The following CDH12 variants were observed in gnomAD, a reference collection of about 807,000 sequenced individuals.
CDH12 encodes the protein cadherin-12.
Under a neutral mutation model 74.1 loss-of-function variants are expected in CDH12, and 41 were observed. That is an observed-to-expected ratio of 0.55 (90% CI 0.43 to 0.72). The LOEUF is 0.72. Ranked by LOEUF, CDH12 falls within the 30% of genes least tolerant of loss-of-function variation. CDH12 has a pLI of 0.00. For synonymous variants in CDH12, 399 were observed against 355.0 expected (o/e 1.12, Z -1.39); for missense variants, 945 against 977.2 (o/e 0.97, Z 0.44).
intron 1 of CDH12, among the ~76,000 whole-genome samples, chr5:22,539,607 G>A (rs939075461): frequency 6.6e-6 from 1 of 152,156 alleles, no homozygotes; most frequent in African/African-American, 2.4e-5. Flanking sequence ...GTCAGAGTGT[G>A]ATGTAAATAT....
chr5:22,532,350 GATATATATATATAT>G lies in CDH12; in HGVS notation c.-522-27000_-522-26987del, dbSNP rs71609770. Reference sequence around the variant, plus strand: ...TCTAACAGATAAATTATATAAATAGGATATATATATATATATATATATATATATGTATGTATCCT... The same window carrying G: ...TCTAACAGATAAATTATATAAATAGGATATATATATATATGTATGTATCCT... On this transcript the variant is annotated intron_variant, in intron 1 of 14. Transcript: ENST00000382254. Among the ~76,000 whole-genome samples the G allele has an allele frequency of 9.1e-4, 25 of 27,560 alleles. 4 individuals are homozygous for G. The highest frequency in any genetic ancestry group is 2.5e-3 in the East Asian group (2 of 786). 18.1% of individuals were successfully genotyped at this position (27,560 alleles called of 152,430 possible). A position where few individuals can be genotyped will look rare whatever the true frequency, so the allele number is the denominator to read the frequency against.
At chr5:22,750,719 A>C (rs1339513102) in intron 1 of CDH12, among the ~76,000 whole-genome samples, 1 of 152,138 alleles carries the variant, frequency 6.6e-6, no homozygotes, top group Non-Finnish European at 1.5e-5. Context: ...TTCAGTTTGG[A>C]AGTACATTGA....
rs180742372 is a variant in CDH12 at position 22,814,860 on chromosome 5, T to A, written c.-523+38198A>T. ...ATATTTAAGTAAAATAAAGAGTATG[T>A]ATAAATGAGTGGCATTTGTTAAAAA... On this transcript the variant is annotated intron_variant, in intron 1 of 14. Transcript: ENST00000382254. 1.9e-4 allele frequency among the ~76,000 whole-genome samples: 29 copies of A among 152,336 alleles called. No individual in the cohort carries two copies. In the East Asian group the frequency reaches 5.4e-3, roughly 28 times the overall value.
rs1310087078 is a variant in CDH12 at position 22,315,101 on chromosome 5, G to C, written c.-333+90156C>G. On this transcript the variant is annotated intron_variant, in intron 3 of 14. Transcript: ENST00000382254. ...TCAGTAGCCAGGACTACAGGCGCCT[G>C]CCACCGTGCCTGCCTGGCTTTTTTT... Among the ~76,000 whole-genome samples, 4 of 116,842 alleles carry C rather than the reference G, an allele frequency of 3.4e-5. 1 individual carries two copies. Among genetic ancestry groups the C allele is most frequent in the African/African-American group, 1.3e-4 (4 of 30,308 alleles). The allele number at this position is 116,842 out of a possible 152,430, so 76.7% of individuals were successfully genotyped here.
intron 1 of CDH12, among the ~76,000 whole-genome samples, chr5:22,656,099 G>A (rs1226986122): frequency 6.6e-6 from 1 of 152,022 alleles, no homozygotes; most frequent in Non-Finnish European, 1.5e-5. Context: ...TGAGGGATTT[G>A]TATATATATG....
intron 8 of CDH12, among the ~76,000 whole-genome samples, chr5:21,828,123 GA>G: frequency 6.6e-6 from 1 of 151,124 alleles, no homozygotes; most frequent in Non-Finnish European, 1.5e-5. Flanking sequence ...GAAAAACAAT[GA>G]ATTTTTTTTT....
chr5:22,664,794 A>G (rs1740528309), intron 1 of CDH12, among the ~76,000 whole-genome samples: 1 of 152,180 alleles, frequency 6.6e-6, no homozygotes, highest in Non-Finnish European at 1.5e-5. Flanking sequence ...TAGATTTCAA[A>G]ACCAGGCAGC....
At chr5:22,739,797 G>T (rs1286218030) in intron 1 of CDH12, among the ~76,000 whole-genome samples, 1 of 151,960 alleles carries the variant, frequency 6.6e-6, no homozygotes, top group East Asian at 1.9e-4. Context: ...ACATTAGTGT[G>T]AACTAGTACA....
At chr5:22,182,055 AAGCC>A (rs2150338422) in intron 4 of CDH12, among the ~76,000 whole-genome samples, 1 of 152,140 alleles carries the variant, frequency 6.6e-6, no homozygotes, top group Non-Finnish European at 1.5e-5. Context: ...CTCCATCTTT[AAGCC>A]CTATAATTAG....
At chr5:22,353,535 T>A (rs547164106) in intron 3 of CDH12, among the ~76,000 whole-genome samples, 1 of 152,104 alleles carries the variant, frequency 6.6e-6, no homozygotes, top group Non-Finnish European at 1.5e-5. Context: ...TCTCTAAAAT[T>A]GACATTTTTA....
chr5:22,715,618 C>T (rs1743531215), intron 1 of CDH12, among the ~76,000 whole-genome samples: 1 of 151,872 alleles, frequency 6.6e-6, no homozygotes, highest in South Asian at 2.1e-4. Flanking sequence ...GCCTGACCAA[C>T]ATGGTGATCC....
chr5:22,439,902 C>T (rs1744556676), intron 2 of CDH12, among the ~76,000 whole-genome samples: 1 of 152,006 alleles, frequency 6.6e-6, no homozygotes, highest in Admixed American at 6.6e-5. Flanking sequence ...TAATAGGGAG[C>T]TCTTTGAAGA....
intron 1 of CDH12, among the ~76,000 whole-genome samples, chr5:22,775,850 A>T (rs1747065648): frequency 6.6e-6 from 1 of 151,984 alleles, no homozygotes; most frequent in African/African-American, 2.4e-5. Context: ...TGTGGGAGGG[A>T]CCCAGGGGGG....
In CDH12 at chr5:22,369,054, G is replaced by A. The variant is rs530081511; in HGVS notation, c.-333+36203C>T. On this transcript the variant is annotated intron_variant, in intron 3 of 14. Transcript: ENST00000382254. The stretch of plus-strand genomic sequence containing the variant: ...TGAGGCAGGAGAATCGCTTGAACCC[G>A]GGAGGCGGAGGTTGCAATGAGCTGA... 1.6e-4 allele frequency among the ~76,000 whole-genome samples: 24 copies of A among 152,086 alleles called. No homozygotes were observed. In the East Asian group the frequency reaches 1.7e-3, roughly 11 times the overall value.
chr5:22,583,052 A>T (rs1740184828), intron 1 of CDH12, among the ~76,000 whole-genome samples: 1 of 151,356 alleles, frequency 6.6e-6, no homozygotes, highest in Admixed American at 6.6e-5. Context: ...GTACGCAGAA[A>T]TAGTAACAAA....
intron 3 of CDH12, among the ~76,000 whole-genome samples, chr5:22,289,527 T>C (rs925502785): frequency 6.6e-5 from 10 of 152,170 alleles, no homozygotes; most frequent in African/African-American, 1.9e-4. Context: ...AAACCAGGAA[T>C]CTTCAGCAAT....
intron 2 of CDH12, among the ~76,000 whole-genome samples, chr5:22,438,499 C>T (rs1025180998): frequency 1.3e-5 from 2 of 151,922 alleles, no homozygotes; most frequent in African/African-American, 4.8e-5. Flanking sequence ...AAAACACAGC[C>T]CAGAACTTTT....
chr5:22,595,933 A>AAT lies in CDH12; in HGVS notation c.-522-90570_-522-90569insAT, dbSNP rs1156491643. Among the ~76,000 whole-genome samples, 313 of 149,332 alleles carry AAT rather than the reference A, an allele frequency of 2.1e-3. 1 individual carries two copies. Among genetic ancestry groups the AAT allele is most frequent in the African/African-American group, 7.3e-3 (298 of 40,554 alleles). ...TCTACTAAAAATAAATAAATAAATA[A>AAT]AAATAAATAAAAAAAATTAAAAAAA... On this transcript the variant is annotated intron_variant, in intron 1 of 14. Transcript: ENST00000382254.
chr5:22,727,492 A>G (rs770809432), intron 1 of CDH12, among the ~76,000 whole-genome samples: 2 of 151,556 alleles, frequency 1.3e-5, no homozygotes, highest in Non-Finnish European at 3.0e-5. Context: ...ATACTATTTC[A>G]CTATTTATAT....
Sources: allele counts gnomAD v4.1 joint callset (sites outside exome capture counted in the v4.1 genomes callset), GRCh38; gene constraint gnomAD v4.1.1; transcripts MANE v1.5; gene names NCBI Gene and HGNC (gene_info 2026-07-23, HGNC 2026-07-21).